CXADR: variants seen among roughly 807,000 people sequenced by gnomAD.
The protein encoded by CXADR is CXADR cell adhesion molecule, also known as coxsackievirus and adenovirus receptor.
Under a neutral mutation model 40.3 loss-of-function variants are expected in CXADR, and 20 were observed. The observed-to-expected ratio is 0.50, with a 90% CI of 0.35 to 0.72. The LOEUF (loss-of-function observed/expected upper bound fraction) is 0.72. Among genes scored for constraint, CXADR ranks in the 30% least tolerant of loss-of-function variants. The pLI, the probability that CXADR is intolerant of heterozygous loss-of-function variation, is 0.01. For missense variants in CXADR, 332 were observed against 449.1 expected (o/e 0.74, Z 2.36); for synonymous variants, 150 against 161.3 (o/e 0.93, Z 0.53).
chr21:17,529,109 G>T (rs1186278883), intron 1 of CXADR, among the ~76,000 whole-genome samples: 3 of 149,714 alleles, frequency 2.0e-5, no homozygotes, highest in Non-Finnish European at 4.4e-5. Flanking sequence ...CGCGATCTAG[G>T]CTCACTGCAA....
the CXADR span, among the ~76,000 whole-genome samples, chr21:17,631,767 A>G: frequency 1.3e-5 from 2 of 152,298 alleles, no homozygotes; most frequent in African/African-American, 4.8e-5. Context: ...CTCTAAGCTA[A>G]AGACATTTAT....
chr21:17,550,947 C>G (rs1354561224), intron 2 of CXADR, among the ~76,000 whole-genome samples: 1 of 152,150 alleles, frequency 6.6e-6, no homozygotes, highest in Non-Finnish European at 1.5e-5. Context: ...CCTCAAGTAA[C>G]TCCAACTTAG....
Position 17,565,995 on chromosome 21 carries a change from A to G in CXADR, c.*303A>G. The G allele has an allele frequency of 9.7e-7, 1 of 1,029,728 alleles. No individual in the cohort carries two copies. Among genetic ancestry groups the G allele is most frequent in the Non-Finnish European group, 1.2e-6 (1 of 858,540 alleles). The allele number at this position is 1,029,728 out of a possible 1,614,324, so 63.8% of individuals were successfully genotyped here. ...GATGTAGCGCTTTGAATATGAAATC[A>G]TAGGTGAAGACATGGGTGAACTTAC... On this transcript the variant is annotated 3_prime_UTR_variant, in exon 7 of 7. Coordinates refer to ENST00000284878, the MANE Select transcript of CXADR (RefSeq NM_001338.5).
chr21:17,619,596 C>CAA, the CXADR span, among the ~76,000 whole-genome samples: 1,324 of 134,786 alleles, frequency 9.8e-3, 7 homozygotes, highest in African/African-American at 0.021. Flanking sequence ...GGCTCTGTTT[C>CAA]AAAAAAAAAA....
Position 17,532,042 on chromosome 21 carries a change from C to T in CXADR, c.44-14985C>T, listed in dbSNP as rs148094598. ...CTGCAGCCTCGACCTCCCAGGCTCCCACCTCAGTCTCCGTAGTAGCTGGGA... is the reference window on the plus strand; with the variant it reads ...CTGCAGCCTCGACCTCCCAGGCTCCTACCTCAGTCTCCGTAGTAGCTGGGA... On this transcript the variant is annotated intron_variant, in intron 1 of 6. Transcript: ENST00000284878. 6.0e-4 allele frequency among the ~76,000 whole-genome samples: 91 copies of T among 152,004 alleles called. 2 individuals are homozygous for T. The East Asian group carries it at 0.016, about 27-fold the overall frequency.
chr21:17,531,806 C>T (rs2060679879), intron 1 of CXADR, among the ~76,000 whole-genome samples: 1 of 152,182 alleles, frequency 6.6e-6, no homozygotes. Flanking sequence ...GTTAAGGTCT[C>T]ACTGTATTGT....
chr21:17,518,951 T>A, intron 1 of CXADR: 1 of 1,608,970 alleles, frequency 6.2e-7, no homozygotes, highest in East Asian at 2.2e-5. Context: ...TTGCCCCCTA[T>A]CCGGACCTGA....
rs1235976095 is a variant in CXADR at position 17,561,408 on chromosome 21, TATC to T, written c.769_771del (p.Ile257del). The T allele has an allele frequency of 6.2e-7, 1 of 1,612,680 alleles. No homozygotes were observed. The highest frequency in any genetic ancestry group is 1.3e-5 in the African/African-American group (1 of 74,900). ...TGCTTGCTCTAGCGCTCATTGGTCT[TATC>T]ATCTTTTGCTGTCGTAAAAAGCGCA... On this transcript the variant is annotated inframe_deletion, in exon 6 of 7. Transcript: ENST00000284878.
intron 1 of CXADR, among the ~76,000 whole-genome samples, chr21:17,545,172 C>T (rs796307237): frequency 3.6e-5 from 5 of 140,770 alleles, no homozygotes; most frequent in African/African-American, 1.3e-4. Context: ...GTGCTTAGGG[C>T]CTCCTCCAGG....
At position 17,590,982 on chromosome 21, in the gene CXADR, GATTT is replaced by G. The variant is rs1798986667; in HGVS notation, c.1018-2166_1018-2163del. Among the ~76,000 whole-genome samples, 4 of 152,088 alleles carry G rather than the reference GATTT, an allele frequency of 2.6e-5. No individual in the cohort carries two copies. The South Asian group carries it at 8.3e-4, about 32-fold the overall frequency. ...GTTTGTAACAAGAAACTTGGCCAAA[GATTT>G]ATTAGTGGTTAATCAATAGATACTT... is the stretch of plus-strand genomic sequence containing the variant. On this transcript the variant is annotated intron_variant, in intron 7 of 7. Coordinates refer to the CXADR transcript ENST00000400169.
chr21:17,534,542 C>T (rs2060728872), intron 1 of CXADR, among the ~76,000 whole-genome samples: 1 of 152,012 alleles, frequency 6.6e-6, no homozygotes, highest in South Asian at 2.1e-4. Context: ...AGAAGAAAGG[C>T]AAAGGTTGGA....
the CXADR span, among the ~76,000 whole-genome samples, chr21:17,629,064 A>G: frequency 6.6e-6 from 1 of 152,124 alleles, no homozygotes; most frequent in East Asian, 1.9e-4. Context: ...ATTAACCATC[A>G]CAGTCTCTGT....
In CXADR at chr21:17,534,859, A is replaced by C. The variant is rs181568387; in HGVS notation, c.44-12168A>C. ...GAGTGCAATGGTGCAATCTTGGCTC[A>C]CTGCAGCCCCTGCCTCCCAGGTTCC... On this transcript the variant is annotated intron_variant, in intron 1 of 6. Transcript: ENST00000284878. Among the ~76,000 whole-genome samples, 9 of 145,278 alleles carry C rather than the reference A, an allele frequency of 6.2e-5. 1 individual carries two copies. The East Asian group carries it at 1.9e-3, about 31-fold the overall frequency.
At chr21:17,553,238 G>A (rs1030283976) in intron 3 of CXADR, among the ~76,000 whole-genome samples, 2 of 152,082 alleles carry the variant, frequency 1.3e-5, no homozygotes, top group Admixed American at 6.6e-5. Context: ...AGATGACTTG[G>A]GCACCCAACA....
At chr21:17,612,027 T>A in the CXADR span, 1 of 151,942 alleles carries the variant, frequency 6.6e-6, no homozygotes, top group African/African-American at 2.4e-5. Flanking sequence ...GGGCTAAGAG[T>A]TGGACTTTCT....
chr21:17,561,794 G>GA (rs930824803), intron 6 of CXADR, among the ~76,000 whole-genome samples: 22 of 149,948 alleles, frequency 1.5e-4, no homozygotes, highest in Non-Finnish European at 2.4e-4. Context: ...ATTGAGGTTT[G>GA]AAAAAAAAAC....
At chr21:17,580,038 GT>G (rs1489780975) in intron 7 of CXADR, among the ~76,000 whole-genome samples, 1 of 151,966 alleles carries the variant, frequency 6.6e-6, no homozygotes, top group Non-Finnish European at 1.5e-5. Flanking sequence ...ATCTAAGCTG[GT>G]CTCAAACTCC....
chr21:17,541,522 C>T (rs1011717758), intron 1 of CXADR, among the ~76,000 whole-genome samples: 1 of 151,968 alleles, frequency 6.6e-6, no homozygotes, highest in African/African-American at 2.4e-5. Flanking sequence ...CGCGCCACTA[C>T]ATTCCAGCCC....
intron 1 of CXADR, among the ~76,000 whole-genome samples, chr21:17,513,497 T>C (rs1316737005): frequency 6.6e-6 from 1 of 152,234 alleles, no homozygotes; most frequent in African/African-American, 2.4e-5. Context: ...CGGTGCGGGC[T>C]TGCCTTTCTT....
Sources: allele counts gnomAD v4.1 joint callset (sites outside exome capture counted in the v4.1 genomes callset), GRCh38; gene constraint gnomAD v4.1.1; transcripts MANE v1.5; gene names NCBI Gene and HGNC (gene_info 2026-07-23, HGNC 2026-07-21).